Variants in NSUN6 observed in about 807,000 individuals in gnomAD.
NSUN6 encodes tRNA (cytosine(72)-C(5))-methyltransferase NSUN6.
In NSUN6, 64 loss-of-function variants were observed where a neutral mutation model predicts 58.0. That is an observed-to-expected ratio of 1.10 (90% confidence interval 0.90 to 1.36). NSUN6 has a LOEUF of 1.36. Ranked by LOEUF, NSUN6 falls within the 40% of genes most tolerant of loss-of-function variation. The pLI is 0.00. For synonymous variants in NSUN6, 231 were observed against 193.9 expected (o/e 1.19, Z -1.59); for missense variants, 701 against 550.1 (o/e 1.27, Z -2.74).
intron 8 of NSUN6, among the ~76,000 whole-genome samples, chr10:18,561,094 A>G (rs1174718901): frequency 4.8e-5 from 7 of 146,850 alleles, no homozygotes; most frequent in Non-Finnish European, 1.1e-4. Flanking sequence ...GGAGAATGGA[A>G]TGGAATGGAA....
chr10:18,617,114 C>T, intron 3 of NSUN6, among the ~76,000 whole-genome samples: 1 of 152,056 alleles, frequency 6.6e-6, no homozygotes, highest in East Asian at 1.9e-4. Context: ...GCATTCTATC[C>T]CTTGGCAATC....
At chr10:18,649,860 C>T (rs2059653993) in intron 1 of NSUN6, among the ~76,000 whole-genome samples, 1 of 152,098 alleles carries the variant, frequency 6.6e-6, no homozygotes, top group Admixed American at 6.6e-5. Flanking sequence ...TATTTTAAGT[C>T]CCTTGAAATC....
intron 7 of NSUN6, among the ~76,000 whole-genome samples, chr10:18,594,551 C>A (rs1192249897): frequency 6.6e-6 from 1 of 151,986 alleles, no homozygotes. Context: ...CAGGTCCAAG[C>A]GATTCTCCTG....
Position 18,639,687 on chromosome 10 carries a change from C to T in NSUN6, c.311+2789G>A, listed in dbSNP as rs528255060. ...TCATGTTCTGATGAGTAGCTTAGAT[C>T]ACTACAAAGAACAGAATGAAAGGAT... On this transcript the variant is annotated intron_variant, in intron 3 of 10. Coordinates refer to ENST00000377304, the MANE Select transcript of NSUN6 (RefSeq NM_182543.5). Among the ~76,000 whole-genome samples the T allele has an allele frequency of 4.6e-4, 70 of 152,176 alleles. 1 individual carries two copies. The highest frequency in any genetic ancestry group is 1.6e-3 in the African/African-American group (68 of 41,522).
intron 8 of NSUN6, among the ~76,000 whole-genome samples, chr10:18,585,272 T>A (rs1270303635): frequency 6.6e-6 from 1 of 152,070 alleles, no homozygotes; most frequent in East Asian, 1.9e-4. Context: ...TCTTCAAAAG[T>A]AAATAGAACT....
At chr10:18,609,012 T>C (rs1042824116) in intron 6 of NSUN6, among the ~76,000 whole-genome samples, 10 of 152,190 alleles carry the variant, frequency 6.6e-5, no homozygotes, top group African/African-American at 2.4e-4. Flanking sequence ...GTCTGTGGGC[T>C]AAATACTGGG....
At chr10:18,549,989 A>G (rs1368642530) in intron 9 of NSUN6, among the ~76,000 whole-genome samples, 1 of 152,222 alleles carries the variant, frequency 6.6e-6, no homozygotes, top group Non-Finnish European at 1.5e-5. Flanking sequence ...CAATGTACCT[A>G]AAGTCACTTA....
chr10:18,546,884 A>G (rs560375168), intron 10 of NSUN6, among the ~76,000 whole-genome samples: 1 of 152,084 alleles, frequency 6.6e-6, no homozygotes, highest in Non-Finnish European at 1.5e-5. Flanking sequence ...AAAACAAAAA[A>G]TGAAAGAAAA....
rs2054232884 is a variant in NSUN6 at position 18,546,013 on chromosome 10, T to C, written c.1330A>G (p.Arg444Gly). 6 of 1,585,568 alleles carry C rather than the reference T, an allele frequency of 3.8e-6. No homozygotes were observed. The Admixed American group carries it at 5.9e-5, about 15-fold the overall frequency. Reference sequence around the variant, plus strand: ...TTAGCCAGACGCAACATGTCTTCTCTTCTGGCCTCTCTAAGAGAGTCCATG... The same window carrying C: ...TTAGCCAGACGCAACATGTCTTCTCCTCTGGCCTCTCTAAGAGAGTCCATG... ...TDMDSLREAR[R>G]EDMLRLANKD... Residue 444 changes from arginine (R) to glycine (G), a missense_variant, in exon 11 of 11, where the codon AGA (arginine) becomes GGA (glycine). By Grantham distance (125) the Arg-to-Gly change is moderately radical. Coordinates refer to ENST00000377304, the MANE Select transcript of NSUN6 (RefSeq NM_182543.5).
chr10:18,646,613 G>C (rs560816275), intron 2 of NSUN6, among the ~76,000 whole-genome samples: 1 of 152,154 alleles, frequency 6.6e-6, no homozygotes, highest in Non-Finnish European at 1.5e-5. Flanking sequence ...GGGAGGCCAA[G>C]GTGGGCAGAT....
In NSUN6 at chr10:18,573,003, A is replaced by G. The variant is rs574293675; in HGVS notation, c.922+12946T>C. On this transcript the variant is annotated intron_variant, in intron 8 of 10. Coordinates refer to ENST00000377304, the MANE Select transcript of NSUN6 (RefSeq NM_182543.5). ...TCCATTCCTTTCTCTATTCCATTCC[A>G]TTCCATTCTCCACTGTATTCCATTC... Among the ~76,000 whole-genome samples, 1,374 of 138,532 alleles carry G rather than the reference A, an allele frequency of 9.9e-3. 19 individuals carry two copies. The highest frequency in any genetic ancestry group is 0.036 in the African/African-American group (1,292 of 36,296). The allele number at this position is 138,532 out of a possible 152,430, so 90.9% of individuals were successfully genotyped here. A position where few individuals can be genotyped will look rare whatever the true frequency, so the allele number is the denominator to read the frequency against.
chr10:18,589,235 G>T (rs2057288233), intron 7 of NSUN6, among the ~76,000 whole-genome samples: 1 of 152,090 alleles, frequency 6.6e-6, no homozygotes, highest in Admixed American at 6.5e-5. Flanking sequence ...CAATGAAAAG[G>T]AGTGAACAAA....
At chr10:18,587,768 T>C (rs1030006044) in intron 7 of NSUN6, among the ~76,000 whole-genome samples, 10 of 152,078 alleles carry the variant, frequency 6.6e-5, no homozygotes, top group Admixed American at 1.3e-4. Flanking sequence ...GCTTTTCCCA[T>C]GGTTTTTGCA....
At chr10:18,644,676 A>T (rs922890626) in intron 2 of NSUN6, among the ~76,000 whole-genome samples, 1 of 151,512 alleles carries the variant, frequency 6.6e-6, no homozygotes, top group Non-Finnish European at 1.5e-5. Context: ...GTCTACTAAA[A>T]ATACAAAAAA....
intron 3 of NSUN6, among the ~76,000 whole-genome samples, chr10:18,617,657 C>T (rs1470159721): frequency 6.6e-6 from 1 of 152,078 alleles, no homozygotes; most frequent in Non-Finnish European, 1.5e-5. Flanking sequence ...TTGAATGAGA[C>T]GTCATTATCT....
chr10:18,571,832 A>G (rs2056383632), intron 8 of NSUN6, among the ~76,000 whole-genome samples: 1 of 147,772 alleles, frequency 6.8e-6, no homozygotes, highest in Admixed American at 6.8e-5. Flanking sequence ...TCTCCATTCT[A>G]TTTTATTCAC....
chr10:18,582,459 T>A (rs566469311), intron 8 of NSUN6, among the ~76,000 whole-genome samples: 1 of 152,246 alleles, frequency 6.6e-6, no homozygotes, highest in African/African-American at 2.4e-5. Context: ...GGGAGCTCCA[T>A]GAGAAGAATC....
intron 1 of NSUN6, 85 bp downstream of exon 1, chr10:18,651,044 C>G (rs1284010201): frequency 4.0e-6 from 6 of 1,518,206 alleles, no homozygotes; most frequent in Non-Finnish European, 5.3e-6. Flanking sequence ...GTCAAGATTT[C>G]CCTTTATACT....
chr10:18,626,942 A>T (rs184278069), intron 3 of NSUN6, among the ~76,000 whole-genome samples: 7 of 152,342 alleles, frequency 4.6e-5, no homozygotes, highest in Middle Eastern at 6.8e-3. Context: ...TCAAAAAGGG[A>T]GGAGCACGAA....
Sources: allele counts gnomAD v4.1 joint callset (sites outside exome capture counted in the v4.1 genomes callset), GRCh38; gene constraint gnomAD v4.1.1; transcripts MANE v1.5; gene names NCBI Gene and HGNC (gene_info 2026-07-23, HGNC 2026-07-21).